Variants in ADAM32 observed in about 807,000 individuals in gnomAD.
The protein encoded by ADAM32 is ADAM metallopeptidase domain 32.
ADAM32 carries 89 observed loss-of-function variants against 114.9 expected under a neutral mutation model. That is an observed-to-expected ratio of 0.77 (90% CI 0.65 to 0.92). The LOEUF is 0.92. ADAM32 is among the 40% of genes least tolerant of loss of function. The probability of loss-of-function intolerance (pLI) is 0.00; values close to 1 mark genes in which losing one functional copy is unlikely to be tolerated. For missense variants in ADAM32, 870 were observed against 932.8 expected (o/e 0.93, Z 0.88); for synonymous variants, 285 against 307.5 (o/e 0.93, Z 0.77).
intron 13 of ADAM32, among the ~76,000 whole-genome samples, chr8:39,222,497 G>A (rs527700361): frequency 6.6e-6 from 1 of 151,972 alleles, no homozygotes; most frequent in Non-Finnish European, 1.5e-5. Context: ...ACAATTCTAT[G>A]TATGAAAGAG....
intron 4 of ADAM32, 119 bp downstream of exon 4, chr8:39,147,324 T>A: frequency 2.4e-6 from 1 of 412,208 alleles, no homozygotes; most frequent in Non-Finnish European, 3.7e-6. Context: ...ATTTGTTGAT[T>A]AATGATCAGG....
intron 11 of ADAM32, among the ~76,000 whole-genome samples, chr8:39,197,762 G>A (rs559572739): frequency 2.0e-5 from 3 of 152,222 alleles, no homozygotes; most frequent in East Asian, 3.9e-4. Context: ...AATGTTCCAT[G>A]TACTAATGAA....
intron 22 of ADAM32, among the ~76,000 whole-genome samples, chr8:39,279,359 A>G (rs571760338): frequency 4.7e-4 from 71 of 152,254 alleles, no homozygotes; most frequent in African/African-American, 1.7e-3. Flanking sequence ...AGCTCAGCTC[A>G]CTGCAACTTC....
chr8:39,232,133 G>T lies in ADAM32; in HGVS notation c.1632G>T (p.Trp544Cys). 6.3e-7 allele frequency: 1 copy of T among 1,583,460 alleles called. No individual in the cohort carries two copies. The highest frequency in any genetic ancestry group is 1.7e-4 in the Middle Eastern group (1 of 5,990). ...ATAACAAATATGTGTTCTGTGGATG[G>T]AGGTATGCTCTACAAATATAAATGA... Reference protein sequence around the residue: ...DRNNKYVFCGWRNLICGRLVC... With the variant: ...DRNNKYVFCGCRNLICGRLVC... The change falls in exon 15 of 25, where the codon TGG (tryptophan) becomes TGT (cysteine). Residue 544 changes from tryptophan to cysteine, a missense_variant and splice_region_variant. By Grantham distance (215) the Trp-to-Cys change is radical. Transcript: ENST00000379907.
chr8:39,183,880 C>A (rs1013397309), intron 10 of ADAM32, among the ~76,000 whole-genome samples: 4 of 152,188 alleles, frequency 2.6e-5, no homozygotes, highest in African/African-American at 9.7e-5. Context: ...ACTCTTTAAG[C>A]GCAGGAATGT....
chr8:39,232,072 A>G lies in ADAM32; in HGVS notation c.1571A>G (p.Gln524Arg). 6.2e-7 allele frequency: 1 copy of G among 1,612,788 alleles called. No homozygotes were observed. Among genetic ancestry groups the G allele is most frequent in the Non-Finnish European group, 8.5e-7 (1 of 1,179,112 alleles). The change falls in exon 15 of 25, where the codon CAA becomes CGA. Residue 524 changes from glutamine to arginine, a missense_variant. Transcript: ENST00000379907. ...PFACYEEIQSQSDRFGNCGRD... is the reference protein window; with the variant it reads ...PFACYEEIQSRSDRFGNCGRD... ...GCCTGCTATGAAGAAATACAATCTC[A>G]ATCAGACAGATTTGGGAACTGTGGT...
chr8:39,211,472 C>A, intron 12 of ADAM32, 148 bp downstream of exon 12: 2 of 815,932 alleles, frequency 2.5e-6, no homozygotes, highest in Non-Finnish European at 3.4e-6. Flanking sequence ...CAAGAAAATA[C>A]TGTTTAGATT....
At chr8:39,227,061 A>G (rs1809427429) in intron 14 of ADAM32, among the ~76,000 whole-genome samples, 2 of 152,210 alleles carry the variant, frequency 1.3e-5, no homozygotes, top group East Asian at 1.9e-4. Flanking sequence ...GGTGGCTCAC[A>G]TTGTGAATTT....
intron 6 of ADAM32, among the ~76,000 whole-genome samples, chr8:39,154,922 A>G (rs1305151821): frequency 6.6e-6 from 1 of 150,422 alleles, no homozygotes; most frequent in Non-Finnish European, 1.5e-5. Flanking sequence ...AGTTCTTTGT[A>G]GATTCTGGAT....
In ADAM32 at chr8:39,188,334, A is replaced by G. The variant is rs569819648; in HGVS notation, c.1052+1289A>G. 3.3e-5 allele frequency among the ~76,000 whole-genome samples: 5 copies of G among 151,816 alleles called. No individual in the cohort carries two copies. In the South Asian group the frequency reaches 1.0e-3, roughly 32 times the overall value. The stretch of plus-strand genomic sequence containing the variant: ...ATGTATATATATAATTGATATGCAT[A>G]TGTCCATATAGATGGATAAATGGAA... On this transcript the variant is annotated intron_variant, in intron 11 of 24. Coordinates refer to ENST00000379907, the MANE Select transcript of ADAM32 (RefSeq NM_145004.7).
chr8:39,250,283 C>G (rs1355072720), intron 17 of ADAM32, among the ~76,000 whole-genome samples: 1 of 149,004 alleles, frequency 6.7e-6, no homozygotes, highest in African/African-American at 2.5e-5. Flanking sequence ...TTTTTTTTGA[C>G]TTTTTAGTTT....
At chr8:39,206,605 A>G (rs1807850892) in intron 11 of ADAM32, among the ~76,000 whole-genome samples, 1 of 152,192 alleles carries the variant, frequency 6.6e-6, no homozygotes, top group Non-Finnish European at 1.5e-5. Flanking sequence ...GAAGCTTTCA[A>G]GCTCTGGGGA....
At chr8:39,241,542 C>T (rs1810552685) in intron 16 of ADAM32, among the ~76,000 whole-genome samples, 2 of 152,220 alleles carry the variant, frequency 1.3e-5, no homozygotes, top group African/African-American at 4.8e-5. Context: ...CTCTTGGCTT[C>T]TGTGCATCCA....
In ADAM32 at chr8:39,147,241, A is replaced by T. The variant is rs1169559736; in HGVS notation, c.276+36A>T. ...AATTCTGTGTTTTATAGTTTTTTTT[A>T]AATTTTTTTACATTAAATAAATGCT... On this transcript the variant is annotated intron_variant, in intron 4 of 24. Coordinates refer to ENST00000379907, the MANE Select transcript of ADAM32 (RefSeq NM_145004.7). 12 of 867,420 alleles carry T rather than the reference A, an allele frequency of 1.4e-5. No individual in the cohort carries two copies. In the Admixed American group the frequency reaches 1.8e-4, roughly 13 times the overall value. 53.7% of individuals were successfully genotyped at this position (867,420 alleles called of 1,614,324 possible). A position where few individuals can be genotyped will look rare whatever the true frequency, so the allele number is the denominator to read the frequency against.
intron 4 of ADAM32, among the ~76,000 whole-genome samples, chr8:39,149,355 C>T (rs779271376): frequency 2.0e-5 from 3 of 152,102 alleles, no homozygotes; most frequent in African/African-American, 7.2e-5. Flanking sequence ...TCTCTTAGTG[C>T]AAATTCAGCA....
At chr8:39,271,007 C>A in intron 20 of ADAM32, 93 bp downstream of exon 20, 1 of 1,202,798 alleles carries the variant, frequency 8.3e-7, no homozygotes, top group Non-Finnish European at 1.2e-6. Flanking sequence ...TTTTGAACAT[C>A]AATTGGTAAA....
chr8:39,215,903 T>C (rs1808525587), intron 12 of ADAM32, among the ~76,000 whole-genome samples: 1 of 152,074 alleles, frequency 6.6e-6, no homozygotes, highest in African/African-American at 2.4e-5. Flanking sequence ...ATCTATTAGA[T>C]TCATTTTATC....
At chr8:39,260,750 A>C (rs1442549901) in intron 19 of ADAM32, among the ~76,000 whole-genome samples, 2 of 152,176 alleles carry the variant, frequency 1.3e-5, no homozygotes, top group Non-Finnish European at 1.5e-5. Context: ...TATCAGAGTA[A>C]TTCTGGCCTT....
intron 16 of ADAM32, among the ~76,000 whole-genome samples, chr8:39,234,549 A>C (rs1046312959): frequency 6.6e-6 from 1 of 152,226 alleles, no homozygotes; most frequent in Admixed American, 6.5e-5. Context: ...TCAACTGTAC[A>C]TAAAGTAGGG....
Sources: gnomAD v4.1 joint callset for allele counts (sites outside exome capture counted in the v4.1 genomes callset) on GRCh38, gnomAD v4.1.1 for gene constraint, MANE v1.5 for transcripts, NCBI Gene and HGNC (gene_info 2026-07-23, HGNC 2026-07-21) for gene names.